The following CADM2 variants were observed in gnomAD, a reference collection of about 807,000 sequenced individuals.
The protein encoded by CADM2 is immunoglobulin superfamily member 4D.
CADM2 carries 12 observed loss-of-function variants against 49.8 expected under a neutral mutation model. That is an observed-to-expected ratio of 0.24 (90% CI 0.15 to 0.39). The LOEUF (loss-of-function observed/expected upper bound fraction) is 0.39. CADM2 is among the 10% of genes least tolerant of loss of function. CADM2 has a pLI of 1.00. For missense variants in CADM2, 378 were observed against 492.3 expected (o/e 0.77, Z 2.20); for synonymous variants, 214 against 175.4 (o/e 1.22, Z -1.74).
chr3:84,998,409 C>A (rs887309945), intron 1 of CADM2, among the ~76,000 whole-genome samples: 4 of 152,044 alleles, frequency 2.6e-5, no homozygotes, highest in Admixed American at 2.0e-4. Context: ...CTGATGTTCC[C>A]CTTTTAATGC....
chr3:85,516,681 T>C (rs2060911313), intron 1 of CADM2, among the ~76,000 whole-genome samples: 1 of 152,096 alleles, frequency 6.6e-6, no homozygotes, highest in African/African-American at 2.4e-5. Flanking sequence ...GTTCTCAACG[T>C]CACAATCCAA....
At chr3:85,631,953 T>G (rs1391215155) in intron 1 of CADM2, among the ~76,000 whole-genome samples, 2 of 152,160 alleles carry the variant, frequency 1.3e-5, no homozygotes, top group Non-Finnish European at 2.9e-5. Context: ...AGCTTAGTCC[T>G]TTAGTTCAGA....
intron 1 of CADM2, among the ~76,000 whole-genome samples, chr3:85,264,002 A>T (rs2107898346): frequency 6.6e-6 from 1 of 152,072 alleles, no homozygotes; most frequent in African/African-American, 2.4e-5. Context: ...TCTTATTTCT[A>T]CTTTATTCAT....
intron 1 of CADM2, among the ~76,000 whole-genome samples, chr3:85,062,890 T>C (rs1028068935): frequency 4.6e-5 from 7 of 151,794 alleles, no homozygotes; most frequent in South Asian, 2.1e-4. Context: ...AATTACCGTC[T>C]TTATTTTTCA....
intron 1 of CADM2, among the ~76,000 whole-genome samples, chr3:85,122,569 A>G (rs1447563020): frequency 5.3e-5 from 8 of 152,126 alleles, no homozygotes; most frequent in African/African-American, 7.2e-5. Flanking sequence ...GGTATGAACC[A>G]TGATTGGCTT....
intron 3 of CADM2, among the ~76,000 whole-genome samples, chr3:85,827,770 T>A (rs1214664912): frequency 6.6e-6 from 1 of 151,984 alleles, no homozygotes; most frequent in African/African-American, 2.4e-5. Flanking sequence ...GTATTGTTTT[T>A]AACTCATAAA....
intron 2 of CADM2, among the ~76,000 whole-genome samples, chr3:85,751,703 G>A (rs2068866045): frequency 6.6e-6 from 1 of 152,174 alleles, no homozygotes; most frequent in Non-Finnish European, 1.5e-5. Context: ...TCACCAGACA[G>A]TCAGTTAATA....
At chr3:86,034,939 CTTTA>C (rs555580080) in intron 8 of CADM2, among the ~76,000 whole-genome samples, 2 of 151,938 alleles carry the variant, frequency 1.3e-5, no homozygotes, top group African/African-American at 4.8e-5. Context: ...TTGTTGCAGG[CTTTA>C]TTTGTCTCTC....
At chr3:85,524,244 A>T (rs988794835) in intron 1 of CADM2, among the ~76,000 whole-genome samples, 3 of 151,964 alleles carry the variant, frequency 2.0e-5, no homozygotes, top group Non-Finnish European at 2.9e-5. Flanking sequence ...ACTGATCTTT[A>T]TTATTCTATT....
chr3:85,472,537 T>C (rs944275264), intron 1 of CADM2, among the ~76,000 whole-genome samples: 1 of 152,008 alleles, frequency 6.6e-6, no homozygotes, highest in South Asian at 2.1e-4. Flanking sequence ...AGAAATACAA[T>C]ATACTTTCGT....
At chr3:84,992,162 A>G (rs1324485625) in intron 1 of CADM2, among the ~76,000 whole-genome samples, 2 of 152,160 alleles carry the variant, frequency 1.3e-5, no homozygotes, top group Admixed American at 1.3e-4. Context: ...GTGGAGGATG[A>G]TAATGAGGAG....
At chr3:85,177,553 G>A (rs2040818206) in intron 1 of CADM2, among the ~76,000 whole-genome samples, 1 of 151,688 alleles carries the variant, frequency 6.6e-6, no homozygotes, top group Admixed American at 6.6e-5. Context: ...GTCTAAATAT[G>A]AATGAAAATG....
intron 8 of CADM2, among the ~76,000 whole-genome samples, chr3:86,040,131 G>A (rs1388252965): frequency 1.3e-5 from 2 of 152,052 alleles, no homozygotes; most frequent in Non-Finnish European, 2.9e-5. Flanking sequence ...CAAAGATGGG[G>A]AAAAAACAGA....
At chr3:85,423,251 G>C (rs968403931) in intron 1 of CADM2, among the ~76,000 whole-genome samples, 1 of 152,028 alleles carries the variant, frequency 6.6e-6, no homozygotes, top group Non-Finnish European at 1.5e-5. Flanking sequence ...TGCTCATGGT[G>C]CCTGGGGCTT....
At chr3:85,917,694 A>G (rs996448791) in intron 6 of CADM2, among the ~76,000 whole-genome samples, 3 of 152,312 alleles carry the variant, frequency 2.0e-5, no homozygotes, top group African/African-American at 4.8e-5. Context: ...GCTTTTTCCA[A>G]TTCTGTGAAG....
intron 1 of CADM2, among the ~76,000 whole-genome samples, chr3:85,140,179 G>A (rs1442455940): frequency 1.3e-5 from 2 of 152,212 alleles, no homozygotes; most frequent in African/African-American, 4.8e-5. Context: ...CACTCTACCG[G>A]GTTCTCTTGG....
intron 1 of CADM2, among the ~76,000 whole-genome samples, chr3:85,629,092 T>C (rs2064223462): frequency 6.6e-6 from 1 of 151,872 alleles, no homozygotes; most frequent in South Asian, 2.1e-4. Context: ...GTAATGGTAA[T>C]CTCTGTGAAC....
At chr3:85,651,984 C>CTTTTTTTTTT (rs75263402) in intron 1 of CADM2, among the ~76,000 whole-genome samples, 19,855 of 104,836 alleles carry the variant, frequency 0.19, 2,894 homozygotes, top group East Asian at 0.52. Flanking sequence ...CGCCCGGCTA[C>CTTTTTTTTTT]TTTTTTTTTT....
intron 1 of CADM2, among the ~76,000 whole-genome samples, chr3:85,102,352 G>A (rs573079277): frequency 2.0e-5 from 3 of 152,278 alleles, no homozygotes; most frequent in Admixed American, 6.5e-5. Flanking sequence ...AATTGATGAA[G>A]CATTTACATA....
Sources: gnomAD v4.1 joint callset for allele counts (sites outside exome capture counted in the v4.1 genomes callset) on GRCh38, gnomAD v4.1.1 for gene constraint, MANE v1.5 for transcripts, NCBI Gene and HGNC (gene_info 2026-07-23, HGNC 2026-07-21) for gene names.